The following RHOBTB2 variants were observed in gnomAD, a reference collection of about 807,000 sequenced individuals.
The protein encoded by RHOBTB2 is Rho related BTB domain containing 2, also known as rho-related BTB domain-containing protein 2.
RHOBTB2 carries 39 observed loss-of-function variants against 66.5 expected under a neutral mutation model. The ratio of observed to expected loss-of-function variants is 0.59; its 90% CI spans 0.45 to 0.77. The LOEUF is 0.77. Ranked by LOEUF, RHOBTB2 falls within the 30% of genes least tolerant of loss-of-function variation. The pLI is 0.00. For missense variants in RHOBTB2, 755 were observed against 999.1 expected (o/e 0.76, Z 3.29); for synonymous variants, 390 against 395.0 (o/e 0.99, Z 0.15).
the RHOBTB2 span, among the ~76,000 whole-genome samples, chr8:22,960,310 C>T: frequency 6.6e-6 from 1 of 151,184 alleles, no homozygotes; most frequent in Non-Finnish European, 1.5e-5. Context: ...CCCTCCCCTC[C>T]CCTCCCCTCC....
chr8:23,010,720 G>A (rs377587978), intron 7 of RHOBTB2, 32 bp downstream of exon 7: 23 of 1,609,494 alleles, frequency 1.4e-5, no homozygotes, highest in African/African-American at 8.0e-5. Flanking sequence ...GGACCTCCCC[G>A]CGGCAGAGGC....
At chr8:23,001,215 G>C (rs1482585419) in intron 1 of RHOBTB2, among the ~76,000 whole-genome samples, 1 of 152,150 alleles carries the variant, frequency 6.6e-6, no homozygotes, top group Non-Finnish European at 1.5e-5. Flanking sequence ...GTGATGCCCA[G>C]GGCTGGGTGG....
rs1243074604 is a variant in RHOBTB2 at position 23,019,774 on chromosome 8, T to A, written c.*2305T>A. The stretch of plus-strand genomic sequence containing the variant: ...TGAGAAACAGGGCCGGCCCCCCAAC[T>A]TCAGGGACCCACCGCCCATTCCCCG... On this transcript the variant is annotated 3_prime_UTR_variant, in exon 10 of 10. Coordinates refer to ENST00000251822, the MANE Select transcript of RHOBTB2 (RefSeq NM_015178.3). 1.2e-5 allele frequency: 2 copies of A among 161,582 alleles called. No homozygotes were observed. The highest frequency in any genetic ancestry group is 3.6e-4 in the East Asian group (2 of 5,518). 10.0% of individuals were successfully genotyped at this position (161,582 alleles called of 1,614,324 possible).
At chr8:23,011,554 G>A (rs1811148645) in intron 7 of RHOBTB2, among the ~76,000 whole-genome samples, 1 of 152,136 alleles carries the variant, frequency 6.6e-6, no homozygotes. Flanking sequence ...ACAAATCCCA[G>A]GGGCTCTCTG....
Position 23,004,326 on chromosome 8 carries a change from G to C in RHOBTB2, c.-10-99G>C. 9.8e-7 allele frequency: 1 copy of C among 1,021,724 alleles called. No individual in the cohort carries two copies. Among genetic ancestry groups the C allele is most frequent in the Non-Finnish European group, 1.5e-6 (1 of 662,306 alleles). 63.3% of individuals were successfully genotyped at this position (1,021,724 alleles called of 1,614,324 possible). A position where few individuals can be genotyped will look rare whatever the true frequency, so the allele number is the denominator to read the frequency against. On this transcript the variant is annotated intron_variant, in intron 1 of 9. Transcript: ENST00000251822. The surrounding 1 kb of genome is among the most constrained non-coding windows in gnomAD (Gnocchi z 6.4). ...CCTCCTGTCAGCTCCGGGGCTTGCA[G>C]AGGGGGCAGCCTGGCTGAGGAGAGC...
chr8:23,004,337 C>T lies in RHOBTB2; in HGVS notation c.-10-88C>T. ...CTCCGGGGCTTGCAGAGGGGGCAGC[C>T]TGGCTGAGGAGAGCTGCGGGTGCTG... On this transcript the variant is annotated intron_variant, in intron 1 of 9. Coordinates refer to ENST00000251822, the MANE Select transcript of RHOBTB2 (RefSeq NM_015178.3). The surrounding 1 kb of genome is among the most constrained non-coding windows in gnomAD (Gnocchi z 6.4). The T allele has an allele frequency of 8.6e-7, 1 of 1,157,924 alleles. No individual in the cohort carries two copies. Among genetic ancestry groups the T allele is most frequent in the Admixed American group, 1.8e-5 (1 of 55,494 alleles). 71.7% of individuals were successfully genotyped at this position (1,157,924 alleles called of 1,614,324 possible).
In RHOBTB2 at chr8:23,002,491, A is replaced by G. The variant is rs57945960; in HGVS notation, c.-10-1934A>G. ...CAGATCACTTGAGGTCAGGAGTTTA[A>G]GACCAGCCTGACCAACATGGCGAAA... On this transcript the variant is annotated intron_variant, in intron 1 of 9. Transcript: ENST00000251822. Among the ~76,000 whole-genome samples, 947 of 152,344 alleles carry G rather than the reference A, an allele frequency of 6.2e-3. 13 individuals are homozygous for G. The highest frequency in any genetic ancestry group is 0.022 in the African/African-American group (900 of 41,576).
At chr8:22,958,535 A>C in the RHOBTB2 span, among the ~76,000 whole-genome samples, 1 of 152,172 alleles carries the variant, frequency 6.6e-6, no homozygotes, top group Non-Finnish European at 1.5e-5. Context: ...GCAGTGGCTC[A>C]TGCCTGTAAT....
At chr8:22,971,415 G>C in the RHOBTB2 span, among the ~76,000 whole-genome samples, 1 of 151,646 alleles carries the variant, frequency 6.6e-6, no homozygotes, top group Non-Finnish European at 1.5e-5. Context: ...GAACTCCTGG[G>C]CTCAAGTGAT....
At chr8:22,965,346 T>A in the RHOBTB2 span, among the ~76,000 whole-genome samples, 1 of 152,174 alleles carries the variant, frequency 6.6e-6, no homozygotes, top group Non-Finnish European at 1.5e-5. Context: ...TGCTAAGATG[T>A]CAATACTACC....
the RHOBTB2 span, among the ~76,000 whole-genome samples, chr8:22,972,427 G>C: frequency 2.1e-4 from 32 of 152,158 alleles, no homozygotes; most frequent in Non-Finnish European, 4.4e-5. Context: ...CCTTGCTAAG[G>C]TTTCTTGAAT....
At chr8:22,964,194 C>T in the RHOBTB2 span, among the ~76,000 whole-genome samples, 3 of 152,118 alleles carry the variant, frequency 2.0e-5, no homozygotes, top group African/African-American at 7.2e-5. Flanking sequence ...AGACCCGCCA[C>T]CATAATTCAG....
At chr8:23,015,280 C>T (rs1434026754) in intron 8 of RHOBTB2, among the ~76,000 whole-genome samples, 1 of 152,136 alleles carries the variant, frequency 6.6e-6, no homozygotes, top group Admixed American at 6.5e-5. Flanking sequence ...TCAGTGCCTC[C>T]GTGCAGGCTG....
In RHOBTB2 at chr8:23,007,009, GC is replaced by G; in HGVS notation, c.768del (p.Ala257ProfsTer44). The G allele has an allele frequency of 6.2e-7, 1 of 1,608,832 alleles. No homozygotes were observed. ...VPDPPSSSEE[C>X]PAHLLEDPLC... Reference sequence around the variant, plus strand: ...GACCCTCCCTCCAGCAGCGAGGAGTGCCCCGCCCACCTCCTGGAGGACCCGC... The same window carrying G: ...GACCCTCCCTCCAGCAGCGAGGAGTGCCCGCCCACCTCCTGGAGGACCCGC... On this transcript the variant is annotated frameshift_variant, in exon 5 of 10. Transcript: ENST00000251822. LOFTEE classifies it high-confidence loss of function.
At chr8:22,955,564 CTTTT>C in the RHOBTB2 span, among the ~76,000 whole-genome samples, 3 of 103,960 alleles carry the variant, frequency 2.9e-5, no homozygotes, top group Admixed American at 1.1e-4. Context: ...TTCAATAAAT[CTTTT>C]TTTTTTTTTT....
At chr8:22,962,052 T>G in the RHOBTB2 span, among the ~76,000 whole-genome samples, 2 of 151,758 alleles carry the variant, frequency 1.3e-5, no homozygotes, top group East Asian at 3.9e-4. Context: ...TCCCAACTAC[T>G]CAGGAGGCCA....
the RHOBTB2 span, among the ~76,000 whole-genome samples, chr8:22,978,485 C>CA: frequency 0.025 from 1,536 of 62,116 alleles, 20 homozygotes; most frequent in Middle Eastern, 0.062. Flanking sequence ...AGATCTGTCT[C>CA]AAAAAAAAAA....
At position 23,007,581 on chromosome 8, in the gene RHOBTB2, A is replaced by G. The variant is rs1300892116; in HGVS notation, c.1336A>G (p.Met446Val). ...GCTAGATGAGAACGAGCGTGACCTCATGCACATTGCCCACATTGCTGAGCT... is the reference window on the plus strand; with the variant it reads ...GCTAGATGAGAACGAGCGTGACCTCGTGCACATTGCCCACATTGCTGAGCT... Reference protein sequence around the residue: ...GELDENERDLMHIAHIAELLE... With the variant: ...GELDENERDLVHIAHIAELLE... Residue 446 changes from methionine (M) to valine (V), a missense_variant, in exon 5 of 10, where the codon ATG becomes GTG. Met to Val is a conservative substitution (Grantham distance 21, BLOSUM62 1). Coordinates refer to ENST00000251822, the MANE Select transcript of RHOBTB2 (RefSeq NM_015178.3). The G allele has an allele frequency of 1.2e-6, 2 of 1,614,190 alleles. No homozygotes were observed. Among genetic ancestry groups the G allele is most frequent in the Admixed American group, 1.7e-5 (1 of 60,032 alleles).
the RHOBTB2 span, among the ~76,000 whole-genome samples, chr8:22,967,141 T>G: frequency 1.3e-5 from 2 of 152,184 alleles, no homozygotes; most frequent in Non-Finnish European, 2.9e-5. Context: ...CAAGTGTCCA[T>G]CAACCATCAT....
Sources: gnomAD v4.1 joint callset for allele counts (sites outside exome capture counted in the v4.1 genomes callset) on GRCh38, gnomAD v4.1.1 for gene constraint, Gnocchi (gnomAD v3.1) non-coding constraint, MANE v1.5 for transcripts, NCBI Gene and HGNC (gene_info 2026-07-23, HGNC 2026-07-21) for gene names.